Variants in DNAH10 observed in about 807,000 individuals in gnomAD.
DNAH10 encodes dynein axonemal heavy chain 10, also known as axonemal beta dynein heavy chain 10.
A neutral mutation model predicts 506.6 loss-of-function variants in DNAH10; 348 were observed. The ratio of observed to expected loss-of-function variants is 0.69; its 90% CI spans 0.63 to 0.75. The LOEUF (loss-of-function observed/expected upper bound fraction) is 0.75. DNAH10 is among the 30% of genes least tolerant of loss of function. The probability of loss-of-function intolerance (pLI) is 0.00; values close to 1 mark genes in which losing one functional copy is unlikely to be tolerated. For synonymous variants in DNAH10, 2,059 were observed against 2,198.6 expected (o/e 0.94, Z 1.78); for missense variants, 5,179 against 5,787.1 (o/e 0.89, Z 3.41).
At chr12:123,912,956 G>A (rs911414783) in intron 59 of DNAH10, 142 bp from the exon 60 acceptor site, 11 of 746,304 alleles carry the variant, frequency 1.5e-5, no homozygotes, top group Middle Eastern at 3.5e-4. Flanking sequence ...AAGAAGCCAC[G>A]TGTCTCAACA....
chr12:123,908,777 C>T (rs202090014), intron 57 of DNAH10, among the ~76,000 whole-genome samples: 5 of 152,032 alleles, frequency 3.3e-5, no homozygotes, highest in East Asian at 3.8e-4. Flanking sequence ...GCTTCCCAGG[C>T]GGTGTCAGCA....
At chr12:123,848,241 G>C in intron 33 of DNAH10, 146 bp downstream of exon 33, 1 of 1,254,576 alleles carries the variant, frequency 8.0e-7, no homozygotes, top group Non-Finnish European at 1.1e-6. Flanking sequence ...CAGAACCTAA[G>C]TGTGTCTGCT....
At chr12:123,841,679 A>G in intron 30 of DNAH10, 134 bp downstream of exon 30, 2 of 741,384 alleles carry the variant, frequency 2.7e-6, no homozygotes, top group Admixed American at 2.8e-5. Context: ...ATTAGTGGAC[A>G]GATAGATGTC....
At chr12:123,789,262 T>A (rs7970404) in intron 10 of DNAH10, among the ~76,000 whole-genome samples, 112,799 of 151,796 alleles carry the variant, frequency 0.74, 42,648 homozygotes, top group East Asian at 1. Flanking sequence ...AAACAAAAAA[T>A]ATTTAACTTC....
chr12:123,837,810 G>A (rs1469558482), intron 28 of DNAH10, among the ~76,000 whole-genome samples: 1 of 148,322 alleles, frequency 6.7e-6, no homozygotes, highest in Non-Finnish European at 1.5e-5. Context: ...TGCCCAGTCT[G>A]GTCTCAAACT....
intron 17 of DNAH10, 97 bp from the exon 18 acceptor site, chr12:123,804,736 G>GTT: frequency 8.1e-7 from 1 of 1,239,086 alleles, no homozygotes. Flanking sequence ...GGCTGGTTTT[G>GTT]GTTTTTTTAA....
Position 123,877,856 on chromosome 12 carries a change from C to T in DNAH10, c.8320C>T (p.Leu2774Phe). The change falls in exon 48 of 79, where the codon CTT becomes TTT. Residue 2774 changes from leucine to phenylalanine, a missense_variant. This residue lies in a region of DNAH10 where 4,844 missense variants were observed against 5,430.5 expected (regional missense o/e 0.89). Coordinates refer to ENST00000673944, the MANE Select transcript of DNAH10 (RefSeq NM_001372106.1). ...GTCAAAGTTCCATTACATCTTCAACCTTCGAGATCTCTCACGGGTTTTTAA... is the reference window on the plus strand; with the variant it reads ...GTCAAAGTTCCATTACATCTTCAACTTTCGAGATCTCTCACGGGTTTTTAA... ...TPSKFHYIFN[L>F]RDLSRVFNGL... 1 of 1,614,026 alleles carries T rather than the reference C, an allele frequency of 6.2e-7. No individual in the cohort carries two copies. The highest frequency in any genetic ancestry group is 8.5e-7 in the Non-Finnish European group (1 of 1,179,904).
chr12:123,935,293 C>G (rs1370165136), intron 78 of DNAH10, 42 bp from the exon 79 acceptor site: 1 of 1,587,588 alleles, frequency 6.3e-7, no homozygotes, highest in Non-Finnish European at 8.6e-7. Flanking sequence ...TCCCTCTGCA[C>G]CCTCTCTCCG....
Position 123,763,253 on chromosome 12 carries a change from G to GC in DNAH10, c.214+705dup. On this transcript the variant is annotated intron_variant, in intron 1 of 78. Transcript: ENST00000673944. ...CCCAGCCCCACCTACTCTCTGATAG[G>GC]CCAGGGACACTGAGAGGGCAGGGAG... Among the ~76,000 whole-genome samples the GC allele has an allele frequency of 2.6e-5, 4 of 152,306 alleles. No homozygotes were observed. The South Asian group carries it at 8.3e-4, about 32-fold the overall frequency.
intron 42 of DNAH10, 115 bp from the exon 43 acceptor site, chr12:123,867,788 T>TGG: frequency 7.5e-7 from 1 of 1,328,076 alleles, no homozygotes; most frequent in Admixed American, 2.3e-5. Context: ...TGAACCAACA[T>TGG]GTTGGGTCTT....
chr12:123,821,355 A>G (rs1959383491), intron 24 of DNAH10, among the ~76,000 whole-genome samples: 1 of 152,174 alleles, frequency 6.6e-6, no homozygotes, highest in Non-Finnish European at 1.5e-5. Context: ...TTTTGAGACA[A>G]AGTCTCGCTC....
chr12:123,898,964 A>G lies in DNAH10; in HGVS notation c.9640+150A>G, dbSNP rs549922113. ...ACTGCTTGTAGGCACTGAGCGTGCC[A>G]TCTTTGACCCTGCAATTCCTGTTTT... On this transcript the variant is annotated intron_variant, in intron 56 of 78. Transcript: ENST00000673944. The G allele has an allele frequency of 1.2e-5, 15 of 1,227,200 alleles. No individual in the cohort carries two copies. In the Admixed American group the frequency reaches 1.3e-4, roughly 11 times the overall value. 76.0% of individuals were successfully genotyped at this position (1,227,200 alleles called of 1,614,324 possible).
chr12:123,902,828 C>A lies in DNAH10; in HGVS notation c.9641-111C>A. The A allele has an allele frequency of 2.2e-6, 3 of 1,353,302 alleles. No homozygotes were observed. The highest frequency in any genetic ancestry group is 3.0e-6 in the Non-Finnish European group (3 of 1,014,558). The allele number at this position is 1,353,302 out of a possible 1,614,324, so 83.8% of individuals were successfully genotyped here. On this transcript the variant is annotated intron_variant, in intron 56 of 78. Coordinates refer to ENST00000673944, the MANE Select transcript of DNAH10 (RefSeq NM_001372106.1). This position sits in a 1 kb window ranked among gnomAD's most constrained non-coding sequence, Gnocchi z 4.5. ...CCACATTGGCCAGAGCCCCTTAGAT[C>A]CCCGCTAGGGCTCAAGCCAACCTTT... is the stretch of plus-strand genomic sequence containing the variant.
intron 37 of DNAH10, among the ~76,000 whole-genome samples, chr12:123,858,369 G>T (rs1192668003): frequency 6.6e-6 from 1 of 152,186 alleles, no homozygotes; most frequent in Non-Finnish European, 1.5e-5. Flanking sequence ...CTACCCCGGA[G>T]ACCTCAGGCC....
chr12:123,795,774 C>A (rs1114629), intron 12 of DNAH10, among the ~76,000 whole-genome samples: 87,184 of 152,092 alleles, frequency 0.57, 25,676 homozygotes, highest in East Asian at 0.94. Context: ...TAATTACCCC[C>A]ACGAGAGCTC....
intron 39 of DNAH10, 106 bp from the exon 40 acceptor site, chr12:123,864,489 G>A: frequency 1.4e-6 from 2 of 1,470,602 alleles, no homozygotes; most frequent in Non-Finnish European, 1.8e-6. Context: ...ATACTGGGTA[G>A]AAAACCCTGG....
At chr12:123,896,779 C>G (rs566737169) in intron 54 of DNAH10, among the ~76,000 whole-genome samples, 1 of 151,404 alleles carries the variant, frequency 6.6e-6, no homozygotes, top group African/African-American at 2.4e-5. Flanking sequence ...TGAAAAGCCA[C>G]CAATAAGTGA....
rs1196401609 is a variant in DNAH10, at chr12:123,931,720, A to C, written c.13001A>C (p.Asp4334Ala). Residue 4334 changes from aspartate (D) to alanine (A), a missense_variant, in exon 75 of 79, where the codon GAC becomes GCC. Transcript: ENST00000673944. Reference sequence around the variant, plus strand: ...GAAAACAAGATGCCCAAAGTCTTTGACTTGGACCAGGTGAGGAAGCGCCTC... The same window carrying C: ...GAAAACAAGATGCCCAAAGTCTTTGCCTTGGACCAGGTGAGGAAGCGCCTC... The part of the protein sequence containing the change: ...EIENKMPKVF[D>A]LDQVRKRLGT... 6 of 1,613,922 alleles carry C rather than the reference A, an allele frequency of 3.7e-6. No homozygotes were observed. The highest frequency in any genetic ancestry group is 5.1e-6 in the Non-Finnish European group (6 of 1,179,898).
At chr12:123,821,923 A>T (rs890015702) in intron 24 of DNAH10, among the ~76,000 whole-genome samples, 1 of 151,768 alleles carries the variant, frequency 6.6e-6, no homozygotes, top group African/African-American at 2.4e-5. Flanking sequence ...TACAAAAAAA[A>T]GTTCCGGGCA....
Sources: gnomAD v4.1 joint callset for allele counts (sites outside exome capture counted in the v4.1 genomes callset) on GRCh38, gnomAD v4.1.1 for gene constraint, gnomAD v4.1.1 regional missense constraint, Gnocchi (gnomAD v3.1) non-coding constraint, MANE v1.5 for transcripts, NCBI Gene and HGNC (gene_info 2026-07-23, HGNC 2026-07-21) for gene names.